DOCK7: variants seen among roughly 807,000 people sequenced by gnomAD.
DOCK7 encodes the protein dedicator of cytokinesis 7.
Under a neutral mutation model 271.0 loss-of-function variants are expected in DOCK7, and 138 were observed. The observed-to-expected ratio is 0.51, with a 90% CI of 0.44 to 0.59. DOCK7 has a LOEUF of 0.59. Ranked by LOEUF, DOCK7 falls within the 20% of genes least tolerant of loss-of-function variation. DOCK7 has a pLI of 0.00. For synonymous variants in DOCK7, 823 were observed against 876.1 expected (o/e 0.94, Z 1.07); for missense variants, 2,066 against 2,592.4 (o/e 0.80, Z 4.41).
chr1:62,596,711 C>T (rs1649305455), intron 14 of DOCK7, among the ~76,000 whole-genome samples: 1 of 151,972 alleles, frequency 6.6e-6, no homozygotes, highest in African/African-American at 2.4e-5. Context: ...ACTAAGCTAA[C>T]AAACTTCAGA....
chr1:62,643,506 C>A (rs1557849254), intron 7 of DOCK7, among the ~76,000 whole-genome samples: 1 of 152,148 alleles, frequency 6.6e-6, no homozygotes, highest in Non-Finnish European at 1.5e-5. Context: ...ATTGTAATTT[C>A]TTTGCATAGG....
Position 62,664,067 on chromosome 1 carries a change from T to C in DOCK7, c.39-937A>G, listed in dbSNP as rs190858665. ...TAGAGGAACCTTAAAAGAATATTGC[T>C]AAGTGAAAGAAGCCAATCTGTATGA... On this transcript the variant is annotated intron_variant, in intron 1 of 49. Transcript: ENST00000635253. 2.0e-5 allele frequency among the ~76,000 whole-genome samples: 3 copies of C among 152,298 alleles called. No homozygotes were observed. The East Asian group carries it at 5.8e-4, about 29-fold the overall frequency.
At chr1:62,625,442 T>C in intron 11 of DOCK7, 41 bp from the exon 12 acceptor site, 1 of 1,557,532 alleles carries the variant, frequency 6.4e-7, no homozygotes, top group Non-Finnish European at 8.7e-7. Flanking sequence ...TCATAGAAGT[T>C]AAATTTTGTT....
At chr1:62,636,833 A>G (rs1008297157) in intron 7 of DOCK7, among the ~76,000 whole-genome samples, 1 of 152,196 alleles carries the variant, frequency 6.6e-6, no homozygotes, top group Non-Finnish European at 1.5e-5. Context: ...AGCTACAAAT[A>G]AACTCAAACT....
At chr1:62,607,138 G>A (rs751781315) in intron 14 of DOCK7, among the ~76,000 whole-genome samples, 2 of 152,098 alleles carry the variant, frequency 1.3e-5, no homozygotes, top group African/African-American at 2.4e-5. Context: ...CCCAGGAGGC[G>A]GAGGTTGCAG....
At chr1:62,525,435 T>G (rs1182410482) in intron 31 of DOCK7, among the ~76,000 whole-genome samples, 1 of 152,212 alleles carries the variant, frequency 6.6e-6, no homozygotes, top group Non-Finnish European at 1.5e-5. Context: ...ACATCCTTGT[T>G]TTTGACCTGA....
chr1:62,553,352 ATATTTTTTTTTTTTTTTTT>A (rs1392496628), intron 21 of DOCK7, among the ~76,000 whole-genome samples: 648 of 9,260 alleles, frequency 0.07, 2 homozygotes, highest in East Asian at 0.094. Context: ...ATATATATAT[ATATTTTTTTTTTTTTTTTT>A]TTTTTTTTTT....
Position 62,554,190 on chromosome 1 carries a change from C to T in DOCK7, c.2597-1289G>A, listed in dbSNP as rs577268130. Among the ~76,000 whole-genome samples the T allele has an allele frequency of 1.9e-4, 29 of 152,192 alleles. No individual in the cohort carries two copies. The East Asian group carries it at 5.0e-3, about 26-fold the overall frequency. On this transcript the variant is annotated intron_variant, in intron 21 of 49. Transcript: ENST00000635253. Reference sequence around the variant, plus strand: ...ATCCAAAGTGATAAAAAAGCAAAGGCGGCTGGGCGTGGTGGCTCACGCCTA... The same window carrying T: ...ATCCAAAGTGATAAAAAAGCAAAGGTGGCTGGGCGTGGTGGCTCACGCCTA...
At chr1:62,472,985 G>A (rs1645872900) in intron 48 of DOCK7, among the ~76,000 whole-genome samples, 1 of 152,104 alleles carries the variant, frequency 6.6e-6, no homozygotes, top group South Asian at 2.1e-4. Context: ...GCTTGCTCCT[G>A]GTTTCCTCCA....
chr1:62,568,605 T>TAAAAAA (rs549578355), intron 18 of DOCK7, among the ~76,000 whole-genome samples: 1 of 46,268 alleles, frequency 2.2e-5, no homozygotes, highest in Admixed American at 2.9e-4. Flanking sequence ...GTGCCCTGCC[T>TAAAAAA]AAAAAAAAAA....
chr1:62,623,835 T>A (rs1179705273), intron 12 of DOCK7, among the ~76,000 whole-genome samples: 1 of 152,172 alleles, frequency 6.6e-6, no homozygotes. Context: ...TCAGAGCAGA[T>A]GCCCATGAAT....
intron 31 of DOCK7, among the ~76,000 whole-genome samples, chr1:62,519,534 G>C (rs1034139912): frequency 1.4e-4 from 22 of 152,142 alleles, no homozygotes; most frequent in African/African-American, 5.1e-4. Flanking sequence ...AAATCATAAT[G>C]AACTTCAGAG....
chr1:62,653,438 T>C (rs140372486), intron 4 of DOCK7, among the ~76,000 whole-genome samples: 2 of 152,158 alleles, frequency 1.3e-5, no homozygotes, highest in African/African-American at 2.4e-5. Flanking sequence ...CTACCCAATA[T>C]TTCCTAAAAG....
intron 18 of DOCK7, among the ~76,000 whole-genome samples, chr1:62,573,403 G>C (rs1646847546): frequency 6.6e-6 from 1 of 152,162 alleles, no homozygotes; most frequent in South Asian, 2.1e-4. Flanking sequence ...AAAAGCCAGA[G>C]AAATGTTTTA....
rs188799098 is a variant in DOCK7 at position 62,475,278 on chromosome 1, T to C, written c.6035A>G (p.His2012Arg). The change falls in exon 47 of 50, where the codon CAT (histidine) becomes CGT (arginine). Residue 2012 changes from histidine to arginine, a missense_variant. Physicochemically the swap from His to Arg is conservative, Grantham distance 29. Transcript: ENST00000635253. ...CATTTTGGGGTCTGCGGGATCCTGA[T>C]GTGTTGCAAATGCCAACTCCTGTGT... ...KKTQELAFAT[H>R]QDPADPKMLQ... 5.6e-6 allele frequency: 9 copies of C among 1,613,978 alleles called. No individual in the cohort carries two copies. Among genetic ancestry groups the C allele is most frequent in the East Asian group, 4.5e-5 (2 of 44,890 alleles).
At position 62,640,712 on chromosome 1, in the gene DOCK7, C is replaced by T. The variant is rs116953598; in HGVS notation, c.819-4109G>A. The stretch of plus-strand genomic sequence containing the variant: ...CAGCAAACTCATGCTGTCCCCCATG[C>T]GTTGTTTCACATTCTAGCAGCTACA... On this transcript the variant is annotated intron_variant, in intron 7 of 49. Transcript: ENST00000635253. Among the ~76,000 whole-genome samples the T allele has an allele frequency of 3.3e-3, 496 of 152,226 alleles. 5 individuals carry two copies. The East Asian group carries it at 0.033, about 10-fold the overall frequency.
At position 62,488,959 on chromosome 1, in the gene DOCK7, T is replaced by A; in HGVS notation, c.5468A>T (p.Glu1823Val). 1 of 1,613,832 alleles carries A rather than the reference T, an allele frequency of 6.2e-7. No individual in the cohort carries two copies. ...KLSTIHGKLQ[E>V]AFSKIVHQST... ...CTGATGAACAATTTTGCTGAATGCTTCTTGAAGTTTACCATGAATTGTGGA... is the reference window on the plus strand; with the variant it reads ...CTGATGAACAATTTTGCTGAATGCTACTTGAAGTTTACCATGAATTGTGGA... Residue 1823 changes from glutamate (E) to valine (V), a missense_variant, in exon 42 of 50, where the codon GAA becomes GTA. Physicochemically the swap from Glu to Val is moderately radical, Grantham distance 121. Transcript: ENST00000635253.
At chr1:62,585,135 A>G (rs1171313537) in intron 15 of DOCK7, among the ~76,000 whole-genome samples, 1 of 152,148 alleles carries the variant, frequency 6.6e-6, no homozygotes. Flanking sequence ...AAATTCTACA[A>G]TTATTCAACA....
intron 29 of DOCK7, among the ~76,000 whole-genome samples, chr1:62,532,967 C>T (rs1429496519): frequency 6.6e-6 from 1 of 152,098 alleles, no homozygotes; most frequent in Non-Finnish European, 1.5e-5. Flanking sequence ...TCATGAGAGG[C>T]TCCAGCCTTA....
Sources: gnomAD v4.1 joint callset for allele counts (sites outside exome capture counted in the v4.1 genomes callset) on GRCh38, gnomAD v4.1.1 for gene constraint, MANE v1.5 for transcripts, NCBI Gene and HGNC (gene_info 2026-07-23, HGNC 2026-07-21) for gene names.